The following PDE4B variants were observed in gnomAD, a reference collection of about 807,000 sequenced individuals.
The protein encoded by PDE4B is phosphodiesterase 4B.
A neutral mutation model predicts 82.2 loss-of-function variants in PDE4B; 20 were observed. That is an observed-to-expected ratio of 0.24 (90% CI 0.17 to 0.35). The LOEUF (loss-of-function observed/expected upper bound fraction) is 0.35, where lower values mean the gene tolerates loss of function less well. Ranked by LOEUF, PDE4B falls within the 10% of genes least tolerant of loss-of-function variation. The probability of loss-of-function intolerance (pLI) is 1.00; values close to 1 mark genes in which losing one functional copy is unlikely to be tolerated. For missense variants in PDE4B, 655 were observed against 907.2 expected (o/e 0.72, Z 3.57); for synonymous variants, 320 against 318.9 (o/e 1.00, Z -0.04).
At chr1:66,110,875 C>T (rs1645472129) in intron 3 of PDE4B, among the ~76,000 whole-genome samples, 1 of 151,968 alleles carries the variant, frequency 6.6e-6, no homozygotes. Flanking sequence ...TGCTGTCTGG[C>T]CTATCTTATT....
chr1:66,331,995 G>C (rs148287273), intron 7 of PDE4B: 2 of 1,029,422 alleles, frequency 1.9e-6, no homozygotes, highest in African/African-American at 3.4e-5. Flanking sequence ...GACTTTGAAC[G>C]TAATGGTCAA....
At chr1:65,938,887 T>C (rs559663674) in intron 3 of PDE4B, among the ~76,000 whole-genome samples, 1 of 152,274 alleles carries the variant, frequency 6.6e-6, no homozygotes, top group South Asian at 2.1e-4. Context: ...TGAAGGGCTT[T>C]AAGAAATGAA....
chr1:65,979,352 T>C (rs1376139462), intron 3 of PDE4B, among the ~76,000 whole-genome samples: 1 of 152,180 alleles, frequency 6.6e-6, no homozygotes, highest in Non-Finnish European at 1.5e-5. Flanking sequence ...GTGTTACCAT[T>C]GTGTTATCTG....
intron 1 of PDE4B, among the ~76,000 whole-genome samples, chr1:65,883,839 C>G (rs1242489428): frequency 1.3e-5 from 2 of 152,076 alleles, no homozygotes; most frequent in African/African-American, 2.4e-5. Flanking sequence ...CCATCAATAC[C>G]TAATTTATTG....
At chr1:66,361,565 G>A in intron 9 of PDE4B, 50 bp from the exon 10 acceptor site, 1 of 1,447,642 alleles carries the variant, frequency 6.9e-7, no homozygotes, top group African/African-American at 1.4e-5. Flanking sequence ...TATTGCAGTG[G>A]ATTCTCATAG....
intron 3 of PDE4B, among the ~76,000 whole-genome samples, chr1:65,960,322 C>T (rs1300334787): frequency 6.6e-6 from 1 of 152,008 alleles, no homozygotes. Flanking sequence ...AGGTCACCAT[C>T]TCCATTATCT....
intron 1 of PDE4B, among the ~76,000 whole-genome samples, chr1:65,888,472 A>G (rs1451486719): frequency 1.3e-5 from 2 of 152,038 alleles, no homozygotes; most frequent in African/African-American, 2.4e-5. Context: ...TGTTTTTTCT[A>G]TTTATGTGAA....
intron 3 of PDE4B, among the ~76,000 whole-genome samples, chr1:66,164,752 T>A (rs1646692056): frequency 8.5e-6 from 1 of 117,934 alleles, no homozygotes; most frequent in African/African-American, 3.5e-5. Context: ...TTTCTTTTCT[T>A]TTCTTTTTTT....
intron 3 of PDE4B, among the ~76,000 whole-genome samples, chr1:65,979,516 G>A (rs2100647990): frequency 6.6e-6 from 1 of 152,322 alleles, no homozygotes; most frequent in South Asian, 2.1e-4. Flanking sequence ...GCGTTCAGTG[G>A]TACCCTAGCA....
chr1:66,119,565 A>G (rs1430250495), intron 3 of PDE4B, among the ~76,000 whole-genome samples: 1 of 152,200 alleles, frequency 6.6e-6, no homozygotes, highest in Non-Finnish European at 1.5e-5. Flanking sequence ...GACTCTGCCC[A>G]TAACTGATGT....
intron 3 of PDE4B, among the ~76,000 whole-genome samples, chr1:66,079,032 A>G (rs12118541): frequency 0.23 from 35,060 of 152,068 alleles, 4,717 homozygotes; most frequent in Middle Eastern, 0.37. Context: ...AATGGGATGG[A>G]TTTTGCCACC....
intron 3 of PDE4B, among the ~76,000 whole-genome samples, chr1:65,990,160 G>C (rs1651167504): frequency 6.6e-6 from 1 of 152,026 alleles, no homozygotes; most frequent in African/African-American, 2.4e-5. Context: ...AGTAGGGAAA[G>C]TGAAAAAAGT....
chr1:66,098,538 G>A (rs938946190), intron 3 of PDE4B, among the ~76,000 whole-genome samples: 1 of 152,074 alleles, frequency 6.6e-6, no homozygotes, highest in East Asian at 1.9e-4. Context: ...GCCTGCAAAG[G>A]TTACATATGC....
chr1:66,238,597 A>G (rs1320165710), intron 3 of PDE4B, among the ~76,000 whole-genome samples: 1 of 152,156 alleles, frequency 6.6e-6, no homozygotes, highest in African/African-American at 2.4e-5. Flanking sequence ...CAGTTTCTGT[A>G]TAGAGTGGAT....
intron 3 of PDE4B, chr1:65,993,048 C>T (rs201170908): frequency 6.2e-6 from 10 of 1,613,770 alleles, no homozygotes; most frequent in Admixed American, 5.0e-5. Context: ...AATTTCTCCA[C>T]GCAGTTCACC....
At chr1:65,829,092 T>C (rs1646051918) in intron 1 of PDE4B, among the ~76,000 whole-genome samples, 1 of 152,052 alleles carries the variant, frequency 6.6e-6, no homozygotes, top group African/African-American at 2.4e-5. Context: ...ATATAAAGAA[T>C]TATATAAGTT....
intron 7 of PDE4B, among the ~76,000 whole-genome samples, chr1:66,328,815 A>G (rs1441900050): frequency 1.3e-5 from 2 of 152,186 alleles, no homozygotes; most frequent in African/African-American, 4.8e-5. Context: ...CAGATGGGAC[A>G]TGTTAGCAGC....
chr1:66,204,874 C>G (rs559336579), intron 3 of PDE4B, among the ~76,000 whole-genome samples: 127 of 152,358 alleles, frequency 8.3e-4, no homozygotes, highest in African/African-American at 2.9e-3. Context: ...CTGTCTGGCA[C>G]TCCCTAGTGA....
At chr1:66,054,447 C>A (rs932914414) in intron 3 of PDE4B, among the ~76,000 whole-genome samples, 1 of 152,134 alleles carries the variant, frequency 6.6e-6, no homozygotes, top group Non-Finnish European at 1.5e-5. Flanking sequence ...TTTTCTCATG[C>A]CCCCACCTTT....
Sources: allele counts gnomAD v4.1 joint callset (sites outside exome capture counted in the v4.1 genomes callset), GRCh38; gene constraint gnomAD v4.1.1; transcripts MANE v1.5; gene names NCBI Gene and HGNC (gene_info 2026-07-23, HGNC 2026-07-21).